Variants in G3BP1 observed in about 807,000 individuals in gnomAD.
The protein encoded by G3BP1 is ras GTPase-activating protein-binding protein 1.
Under a neutral mutation model 58.6 loss-of-function variants are expected in G3BP1, and 35 were observed. That is an observed-to-expected ratio of 0.60 (90% CI 0.46 to 0.79). G3BP1 has a LOEUF of 0.79. Ranked by LOEUF, G3BP1 falls within the 30% of genes least tolerant of loss-of-function variation. G3BP1 has a pLI of 0.00. For synonymous variants in G3BP1, 191 were observed against 195.4 expected (o/e 0.98, Z 0.19); for missense variants, 523 against 580.8 (o/e 0.90, Z 1.02).
At chr5:151,797,163 A>G (rs918505278) in intron 6 of G3BP1, 64 bp from the exon 7 acceptor site, 1 of 1,517,852 alleles carries the variant, frequency 6.6e-7, no homozygotes, top group Non-Finnish European at 9.0e-7. Flanking sequence ...TTAATAAATG[A>G]TGGAGGAATT....
In G3BP1 at chr5:151,804,379, G is replaced by C; in HGVS notation, c.*288G>C. ...TTTCCTTGCTTACTTTGCATATACAGACTGGATTTTTTTTTTTTTTTTACA... is the reference window on the plus strand; with the variant it reads ...TTTCCTTGCTTACTTTGCATATACACACTGGATTTTTTTTTTTTTTTTACA... On this transcript the variant is annotated 3_prime_UTR_variant, in exon 12 of 12. Transcript: ENST00000356245. 1 of 285,068 alleles carries C rather than the reference G, an allele frequency of 3.5e-6. No individual in the cohort carries two copies. The highest frequency in any genetic ancestry group is 6.4e-6 in the Non-Finnish European group (1 of 155,870). The allele number at this position is 285,068 out of a possible 1,614,324, so 17.7% of individuals were successfully genotyped here. A position where few individuals can be genotyped will look rare whatever the true frequency, so the allele number is the denominator to read the frequency against.
chr5:151,788,615 T>TGTGTGTGTGTG (rs1276643889), intron 2 of G3BP1, among the ~76,000 whole-genome samples: 14 of 147,314 alleles, frequency 9.5e-5, no homozygotes, highest in Admixed American at 4.0e-4. Flanking sequence ...TGTGTGTGTA[T>TGTGTGTGTGTG]TATTTATTTA....
intron 4 of G3BP1, among the ~76,000 whole-genome samples, chr5:151,793,201 C>T (rs546060414): frequency 4.2e-4 from 64 of 152,186 alleles, no homozygotes; most frequent in African/African-American, 1.4e-3. Context: ...CTCCACCTCC[C>T]GGGTTCAAGC....
chr5:151,803,195 T>C (rs1332317065), intron 11 of G3BP1, among the ~76,000 whole-genome samples: 1 of 152,266 alleles, frequency 6.6e-6, no homozygotes, highest in Non-Finnish European at 1.5e-5. Context: ...TTTAAATGTA[T>C]ATGTACTTTG....
chr5:151,773,016 G>A (rs1333283811), intron 1 of G3BP1, among the ~76,000 whole-genome samples: 1 of 152,232 alleles, frequency 6.6e-6, no homozygotes, highest in Non-Finnish European at 1.5e-5. Flanking sequence ...TGCCGCCACC[G>A]TAGCTTCTGG....
intron 1 of G3BP1, among the ~76,000 whole-genome samples, chr5:151,785,595 A>G (rs894827772): frequency 6.6e-6 from 1 of 152,210 alleles, no homozygotes; most frequent in African/African-American, 2.4e-5. Flanking sequence ...TTTTATTCAG[A>G]AAGTGTTTTT....
intron 4 of G3BP1, 70 bp from the exon 5 acceptor site, chr5:151,794,089 C>T (rs10036976): frequency 4.5e-6 from 4 of 889,396 alleles, no homozygotes; most frequent in Non-Finnish European, 7.6e-6. Flanking sequence ...TCCCAGTCAC[C>T]AATGGTGTAG....
rs1477160797 is a variant in G3BP1, at chr5:151,786,453, G to C, written c.-49-119G>C. 6.5e-6 allele frequency: 4 copies of C among 619,240 alleles called. No homozygotes were observed. The South Asian group carries it at 7.6e-5, about 12-fold the overall frequency. 38.4% of individuals were successfully genotyped at this position (619,240 alleles called of 1,614,324 possible). On this transcript the variant is annotated intron_variant, in intron 1 of 11. Transcript: ENST00000356245. Reference sequence around the variant, plus strand: ...GTATAAAATCTCAACTGGTCTGTATGGGCTCTGTTTGTTTTTATGATGTTT... The same window carrying C: ...GTATAAAATCTCAACTGGTCTGTATCGGCTCTGTTTGTTTTTATGATGTTT...
At position 151,804,805 on chromosome 5, in the gene G3BP1, T is replaced by G. The variant is rs573852641; in HGVS notation, c.*714T>G. 8 of 152,720 alleles carry G rather than the reference T, an allele frequency of 5.2e-5. No individual in the cohort carries two copies. The highest frequency in any genetic ancestry group is 1.2e-4 in the Non-Finnish European group (8 of 68,016). 9.5% of individuals were successfully genotyped at this position (152,720 alleles called of 1,614,324 possible). On this transcript the variant is annotated 3_prime_UTR_variant, in exon 12 of 12. Coordinates refer to ENST00000356245, the MANE Select transcript of G3BP1 (RefSeq NM_005754.3). ...ACTGTTAGTTTTTTTGAAGTAGTTT[T>G]TTCATGTTTAATTTGTATTTGTAAA... is the stretch of plus-strand genomic sequence containing the variant.
chr5:151,808,767 T>G lies in G3BP1; in HGVS notation c.*4676T>G, dbSNP rs112817955. 6.6e-6 allele frequency: 1 copy of G among 152,206 alleles called. No homozygotes were observed. The highest frequency in any genetic ancestry group is 1.5e-5 in the Non-Finnish European group (1 of 68,042). 9.4% of individuals were successfully genotyped at this position (152,206 alleles called of 1,614,324 possible). A position where few individuals can be genotyped will look rare whatever the true frequency, so the allele number is the denominator to read the frequency against. On this transcript the variant is annotated 3_prime_UTR_variant, in exon 12 of 12. Transcript: ENST00000356245. ...AATTATTGATTTACTGAACCAAGTA[T>G]TTATTTTCAGAAGCCCACTTTTGGG... is the stretch of plus-strand genomic sequence containing the variant.
intron 1 of G3BP1, among the ~76,000 whole-genome samples, chr5:151,775,467 A>G (rs1762352819): frequency 6.6e-6 from 1 of 152,288 alleles, no homozygotes; most frequent in Non-Finnish European, 1.5e-5. Flanking sequence ...AGCATGTGGT[A>G]CCTAATAGGG....
chr5:151,800,727 A>G, intron 10 of G3BP1, 33 bp from the exon 11 acceptor site: 11 of 1,239,098 alleles, frequency 8.9e-6, no homozygotes, highest in Non-Finnish European at 1.3e-5. Flanking sequence ...ATAATGGTCT[A>G]AGTAGTTATC....
At chr5:151,782,947 T>TAG (rs954630758) in intron 1 of G3BP1, among the ~76,000 whole-genome samples, 22 of 148,976 alleles carry the variant, frequency 1.5e-4, no homozygotes, top group Admixed American at 1.4e-4. Flanking sequence ...AACCTCCGTC[T>TAG]GCTAGGTTCA....
chr5:151,802,518 C>T (rs1762871827), intron 11 of G3BP1, among the ~76,000 whole-genome samples: 1 of 152,216 alleles, frequency 6.6e-6, no homozygotes, highest in South Asian at 2.1e-4. Context: ...ATTCTCCTTT[C>T]ATCACTCATT....
intron 4 of G3BP1, chr5:151,792,076 T>A: frequency 2.2e-6 from 1 of 456,320 alleles, no homozygotes; most frequent in Non-Finnish European, 4.4e-6. Flanking sequence ...GCCCAGTCCC[T>A]ATTCTTGAAT....
At position 151,808,020 on chromosome 5, in the gene G3BP1, G is replaced by T. The variant is rs964650169; in HGVS notation, c.*3929G>T. 5.3e-5 allele frequency: 8 copies of T among 152,130 alleles called. No homozygotes were observed. Among genetic ancestry groups the T allele is most frequent in the Non-Finnish European group, 1.2e-4 (8 of 68,022 alleles). 9.4% of individuals were successfully genotyped at this position (152,130 alleles called of 1,614,324 possible). On this transcript the variant is annotated 3_prime_UTR_variant, in exon 12 of 12. Coordinates refer to ENST00000356245, the MANE Select transcript of G3BP1 (RefSeq NM_005754.3). ...ACATCAGCATTTATTTGAATATCAG[G>T]TTTTAGCTAACTGCCTAATGTACCA... is the stretch of plus-strand genomic sequence containing the variant.
At chr5:151,772,942 T>C (rs752176938) in intron 1 of G3BP1, among the ~76,000 whole-genome samples, 5 of 152,340 alleles carry the variant, frequency 3.3e-5, no homozygotes, top group Middle Eastern at 3.4e-3. Flanking sequence ...GAAGTGGGAA[T>C]GTGACAAAGG....
chr5:151,780,601 C>T (rs1762450148), intron 1 of G3BP1, among the ~76,000 whole-genome samples: 1 of 152,180 alleles, frequency 6.6e-6, no homozygotes, highest in Non-Finnish European at 1.5e-5. Flanking sequence ...AGAGCTCCGC[C>T]TCCCGGGTTC....
intron 1 of G3BP1, among the ~76,000 whole-genome samples, chr5:151,779,855 G>A (rs1207777377): frequency 6.6e-6 from 1 of 152,180 alleles, no homozygotes; most frequent in African/African-American, 2.4e-5. Flanking sequence ...TTATTTGATG[G>A]ACATGTAGAT....
Sources: allele counts gnomAD v4.1 joint callset (sites outside exome capture counted in the v4.1 genomes callset), GRCh38; gene constraint gnomAD v4.1.1; transcripts MANE v1.5; gene names NCBI Gene and HGNC (gene_info 2026-07-23, HGNC 2026-07-21).